CCNJ: variants seen among roughly 807,000 people sequenced by gnomAD.
CCNJ encodes cyclin-J.
CCNJ carries 12 observed loss-of-function variants against 41.4 expected under a neutral mutation model. The ratio of observed to expected loss-of-function variants is 0.29; its 90% CI spans 0.19 to 0.47. The LOEUF (loss-of-function observed/expected upper bound fraction) is 0.47, where lower values mean the gene tolerates loss of function less well. Ranked by LOEUF, CCNJ falls within the 20% of genes least tolerant of loss-of-function variation. The pLI is 1.00. For missense variants in CCNJ, 340 were observed against 464.6 expected (o/e 0.73, Z 2.47); for synonymous variants, 161 against 173.4 (o/e 0.93, Z 0.56).
At chr10:96,043,388 C>G, upstream of CCNJ, 1 of 358,624 alleles carries the variant, frequency 2.8e-6, no homozygotes, top group Non-Finnish European at 5.0e-6. Flanking sequence ...CCAGGCCACG[C>G]CGCGCCGTGC....
At chr10:96,045,084 G>A (rs377260480) in intron 2 of CCNJ, among the ~76,000 whole-genome samples, 9 of 152,286 alleles carry the variant, frequency 5.9e-5, no homozygotes, top group African/African-American at 2.2e-4. Flanking sequence ...TAAAGTGGAG[G>A]GAGTTGGCTG....
Position 96,057,122 on chromosome 10 carries a change from A to C in CCNJ, c.615A>C (p.Val205=). Residue 205 remains valine, a synonymous_variant, in exon 5 of 6, where the codon GTA becomes GTC. Transcript: ENST00000465148. The part of the protein sequence containing the change: ...YAFLNYAPSL[V]AAACVASSRI... ...TTCTAAATTATGCACCTTCTTTAGTAGCTGCTGCATGTGTGGCTTCTTCGA... is the reference window on the plus strand; with the variant it reads ...TTCTAAATTATGCACCTTCTTTAGTCGCTGCTGCATGTGTGGCTTCTTCGA... The C allele has an allele frequency of 6.2e-7, 1 of 1,614,166 alleles. No individual in the cohort carries two copies. The highest frequency in any genetic ancestry group is 8.5e-7 in the Non-Finnish European group (1 of 1,180,030).
Position 96,057,237 on chromosome 10 carries a change from C to T in CCNJ, c.730C>T (p.Arg244Ter). Reference sequence around the variant, plus strand: ...GGATTTCTTAGTGCAGTGTATTGAACGACTGTTGATGTAAGCCTTTTTATT... The same window carrying T: ...GGATTTCTTAGTGCAGTGTATTGAATGACTGTTGATGTAAGCCTTTTTATT... The part of the protein sequence containing the change: ...SWDFLVQCIE[R>*]LLIAHDNDVK... The change falls in exon 5 of 6, where the codon CGA becomes TGA. Residue 244 changes from arginine (R) to a stop codon, truncating the protein, a stop_gained. Transcript: ENST00000465148. LOFTEE classifies it high-confidence loss of function. 1 of 1,613,626 alleles carries T rather than the reference C, an allele frequency of 6.2e-7. No homozygotes were observed. The highest frequency in any genetic ancestry group is 8.5e-7 in the Non-Finnish European group (1 of 1,179,572).
At chr10:96,045,383 T>C (rs1048569261) in intron 2 of CCNJ, among the ~76,000 whole-genome samples, 1 of 152,244 alleles carries the variant, frequency 6.6e-6, no homozygotes, top group African/African-American at 2.4e-5. Context: ...ATAAAAAGGA[T>C]TCTGACTCTT....
chr10:96,053,312 A>T (rs961243594), intron 3 of CCNJ, among the ~76,000 whole-genome samples: 1 of 151,768 alleles, frequency 6.6e-6, no homozygotes, highest in Admixed American at 6.6e-5. Flanking sequence ...TTATTTCTTT[A>T]TAAGATGGAA....
rs2080611952 is a variant in CCNJ at position 96,054,161 on chromosome 10, T to C, written c.281-2540T>C. Reference sequence around the variant, plus strand: ...TTCTGTGGCCTCTAATTCTTTATTTTCTGGGAAGCAGATATGAATTTCCTG... The same window carrying C: ...TTCTGTGGCCTCTAATTCTTTATTTCCTGGGAAGCAGATATGAATTTCCTG... On this transcript the variant is annotated intron_variant, in intron 3 of 5. Coordinates refer to ENST00000465148, the MANE Select transcript of CCNJ (RefSeq NM_001134375.2). Among the ~76,000 whole-genome samples the C allele has an allele frequency of 3.3e-5, 5 of 152,342 alleles. No homozygotes were observed. In the South Asian group the frequency reaches 1.0e-3, roughly 32 times the overall value.
Position 96,057,838 on chromosome 10 carries a change from A to G in CCNJ, c.749A>G (p.Asp250Gly). ...QCIERLLIAH[D>G]NDVKEANKQR... ...TTCTCTCCACGTTTCAGCGCTCATG[A>G]TAATGATGTGAAAGAAGCAAACAAA... is the stretch of plus-strand genomic sequence containing the variant. The change falls in exon 6 of 6, where the codon GAT (aspartate) becomes GGT (glycine). Residue 250 changes from aspartate to glycine, a missense_variant. Asp to Gly is a moderately conservative substitution (Grantham distance 94). Coordinates refer to ENST00000465148, the MANE Select transcript of CCNJ (RefSeq NM_001134375.2). The G allele has an allele frequency of 6.2e-7, 1 of 1,613,716 alleles. No homozygotes were observed. The highest frequency in any genetic ancestry group is 8.5e-7 in the Non-Finnish European group (1 of 1,179,762).
chr10:96,045,097 C>T (rs2080326173), intron 2 of CCNJ, among the ~76,000 whole-genome samples: 1 of 152,130 alleles, frequency 6.6e-6, no homozygotes, highest in Non-Finnish European at 1.5e-5. Flanking sequence ...GTTGGCTGCC[C>T]CTTCCTGCTG....
intron 2 of CCNJ, among the ~76,000 whole-genome samples, chr10:96,045,694 T>C (rs1307742505): frequency 6.6e-6 from 1 of 151,296 alleles, no homozygotes; most frequent in African/African-American, 2.4e-5. Flanking sequence ...TTTTTTTTTT[T>C]GGCAGATGTC....
intron 2 of CCNJ, 137 bp from the exon 3 acceptor site, chr10:96,050,119 A>G: frequency 1.5e-6 from 1 of 683,086 alleles, no homozygotes; most frequent in Non-Finnish European, 2.5e-6. Context: ...TAACTTTTTC[A>G]TTTTTGTATT....
At chr10:96,050,660 A>G (rs574860158) in intron 3 of CCNJ, among the ~76,000 whole-genome samples, 194 bp downstream of exon 3, 1 of 152,340 alleles carries the variant, frequency 6.6e-6, no homozygotes, top group South Asian at 2.1e-4. Context: ...GGAGCCTGTT[A>G]AAAACATGTG....
intron 3 of CCNJ, among the ~76,000 whole-genome samples, chr10:96,051,193 A>G (rs1408840280): frequency 1.3e-5 from 2 of 152,224 alleles, no homozygotes; most frequent in Admixed American, 6.5e-5. Context: ...ATCTGATACA[A>G]CCATATTTGT....
At chr10:96,056,217 G>C (rs935458110) in intron 3 of CCNJ, among the ~76,000 whole-genome samples, 5 of 151,854 alleles carry the variant, frequency 3.3e-5, no homozygotes, top group Admixed American at 3.3e-4. Flanking sequence ...GCTGAGGCAG[G>C]AGAATGGCGT....
intron 2 of CCNJ, among the ~76,000 whole-genome samples, chr10:96,044,944 A>G (rs983168105): frequency 5.9e-5 from 9 of 152,176 alleles, no homozygotes; most frequent in Non-Finnish European, 1.2e-4. Context: ...AGTGTGCCTT[A>G]TGATTCTGGC....
intron 1 of CCNJ, among the ~76,000 whole-genome samples, chr10:96,043,991 GCTC>G (rs2080287363): frequency 6.6e-6 from 1 of 152,164 alleles, no homozygotes. Context: ...ACCTCTCCCC[GCTC>G]CTCAGGGAGG....
Position 96,058,505 on chromosome 10 carries a change from A to T in CCNJ, c.*264A>T, listed in dbSNP as rs1445452137. 2.0e-6 allele frequency: 1 copy of T among 499,208 alleles called. No individual in the cohort carries two copies. The highest frequency in any genetic ancestry group is 3.5e-6 in the Non-Finnish European group (1 of 283,408). 30.9% of individuals were successfully genotyped at this position (499,208 alleles called of 1,614,324 possible). Reference sequence around the variant, plus strand: ...CCTGGCTGATGGTCCAAATATTTCAAAAATATTCAGTACAACAGAAAATTT... The same window carrying T: ...CCTGGCTGATGGTCCAAATATTTCATAAATATTCAGTACAACAGAAAATTT... On this transcript the variant is annotated 3_prime_UTR_variant, in exon 6 of 6. Transcript: ENST00000465148.
In CCNJ at chr10:96,058,692, T is replaced by TA. The variant is rs2080757444; in HGVS notation, c.*452dup. On this transcript the variant is annotated 3_prime_UTR_variant, in exon 6 of 6. Coordinates refer to ENST00000465148, the MANE Select transcript of CCNJ (RefSeq NM_001134375.2). Reference sequence around the variant, plus strand: ...TATTAATTTTTGAAAAGGTTTTTTTTATTCTGCAATTTTTTATTTTTGTTC... The same window carrying TA: ...TATTAATTTTTGAAAAGGTTTTTTTTAATTCTGCAATTTTTTATTTTTGTTC... The TA allele has an allele frequency of 5.0e-6, 2 of 397,040 alleles. No homozygotes were observed. The highest frequency in any genetic ancestry group is 8.9e-6 in the Non-Finnish European group (2 of 225,450). 24.6% of individuals were successfully genotyped at this position (397,040 alleles called of 1,614,324 possible).
intron 3 of CCNJ, 81 bp downstream of exon 3, chr10:96,050,547 T>C: frequency 2.0e-6 from 2 of 1,007,770 alleles, no homozygotes; most frequent in African/African-American, 1.6e-5. Flanking sequence ...CTCAGTGAAA[T>C]ATCATCAAAT....
chr10:96,052,534 T>A (rs1423958198), intron 3 of CCNJ, among the ~76,000 whole-genome samples: 1 of 152,174 alleles, frequency 6.6e-6, no homozygotes, highest in Non-Finnish European at 1.5e-5. Flanking sequence ...CCATCTTAGG[T>A]TGGTTGGAAT....
Sources: allele counts gnomAD v4.1 joint callset (sites outside exome capture counted in the v4.1 genomes callset), GRCh38; gene constraint gnomAD v4.1.1; transcripts MANE v1.5; gene names NCBI Gene and HGNC (gene_info 2026-07-23, HGNC 2026-07-21).